Variants in KCNMA1 observed in about 807,000 individuals in gnomAD.
KCNMA1 encodes potassium calcium-activated channel subfamily M alpha 1.
KCNMA1 carries 29 observed loss-of-function variants against 140.0 expected under a neutral mutation model. That is an observed-to-expected ratio of 0.21 (90% CI 0.15 to 0.28). KCNMA1 has a LOEUF of 0.28. Among genes scored for constraint, KCNMA1 ranks in the 10% least tolerant of loss-of-function variants. The pLI, the probability that KCNMA1 is intolerant of heterozygous loss-of-function variation, is 1.00. For missense variants in KCNMA1, 880 were observed against 1,602.2 expected (o/e 0.55, Z 7.70); for synonymous variants, 612 against 611.9 (o/e 1.00, Z 0.00).
intron 2 of KCNMA1, among the ~76,000 whole-genome samples, chr10:77,290,734 A>T (rs535823521): frequency 5.3e-5 from 8 of 152,354 alleles, no homozygotes; most frequent in African/African-American, 1.7e-4. Context: ...TACCTCTGAA[A>T]AAAACAAACA....
chr10:76,969,878 G>A lies in KCNMA1; in HGVS notation c.2360+96C>T, dbSNP rs1456426235. On this transcript the variant is annotated intron_variant, in intron 20 of 27. Coordinates refer to ENST00000286628, the MANE Select transcript of KCNMA1 (RefSeq NM_001161352.2). ...CCTCCCCCACCCCGGGCTTGCTGGG[G>A]AGGGGAGACTCTGGGCCTGGCAGGG... is the stretch of plus-strand genomic sequence containing the variant. The A allele has an allele frequency of 3.2e-6, 3 of 935,536 alleles. No homozygotes were observed. In the African/African-American group the frequency reaches 4.8e-5, roughly 15 times the overall value. 58.0% of individuals were successfully genotyped at this position (935,536 alleles called of 1,614,324 possible).
chr10:77,008,112 T>C, intron 18 of KCNMA1: 1 of 1,405,102 alleles, frequency 7.1e-7, no homozygotes, highest in Admixed American at 2.1e-5. Context: ...GTACAGAAAA[T>C]TAAAAGAGTA....
intron 1 of KCNMA1, among the ~76,000 whole-genome samples, chr10:77,434,106 A>G (rs1159411870): frequency 6.6e-6 from 1 of 152,188 alleles, no homozygotes; most frequent in Non-Finnish European, 1.5e-5. Context: ...CCTAGCTTCA[A>G]GCTTCCTTCG....
At chr10:77,630,983 A>G (rs2093119240) in intron 1 of KCNMA1, among the ~76,000 whole-genome samples, 1 of 151,806 alleles carries the variant, frequency 6.6e-6, no homozygotes, top group South Asian at 2.1e-4. Context: ...GCACACACCC[A>G]TAAGTCTTGG....
rs143901163 is a variant in KCNMA1, at chr10:77,588,276, C to A, written c.378+48989G>T. Among the ~76,000 whole-genome samples the A allele has an allele frequency of 4.7e-3, 722 of 152,156 alleles. 7 individuals are homozygous for A. Among genetic ancestry groups the A allele is most frequent in the South Asian group, 0.025 (121 of 4,816 alleles). On this transcript the variant is annotated intron_variant, in intron 1 of 27. Transcript: ENST00000286628. ...CTGAGAGCAGAAAGGCAGAAAGGGG[C>A]AAGGTAGGAAGTTAGGAGGGAGAGG... is the stretch of plus-strand genomic sequence containing the variant.
At chr10:77,288,863 A>C (rs2072050453) in intron 2 of KCNMA1, among the ~76,000 whole-genome samples, 1 of 152,222 alleles carries the variant, frequency 6.6e-6, no homozygotes, top group Admixed American at 6.5e-5. Context: ...GTTTCATAAC[A>C]TAACCTGGAG....
At chr10:77,282,677 C>T (rs2069084791) in intron 2 of KCNMA1, among the ~76,000 whole-genome samples, 1 of 152,034 alleles carries the variant, frequency 6.6e-6, no homozygotes, top group South Asian at 2.1e-4. Context: ...TCTCCCCAGC[C>T]CCCAGCCTCC....
intron 2 of KCNMA1, among the ~76,000 whole-genome samples, chr10:77,398,867 C>A (rs535629787): frequency 6.6e-6 from 1 of 152,192 alleles, no homozygotes; most frequent in East Asian, 1.9e-4. Flanking sequence ...CTACACCATA[C>A]GTTTCTTGCC....
chr10:77,281,659 T>C (rs867615566), intron 2 of KCNMA1, among the ~76,000 whole-genome samples: 6 of 152,168 alleles, frequency 3.9e-5, no homozygotes, highest in South Asian at 2.1e-4. Context: ...GACTGCCTTA[T>C]GATGGGATGC....
At chr10:76,906,564 G>A (rs2047906971) in intron 25 of KCNMA1, among the ~76,000 whole-genome samples, 1 of 152,224 alleles carries the variant, frequency 6.6e-6, no homozygotes, top group Non-Finnish European at 1.5e-5. Flanking sequence ...TTAGACACAT[G>A]ATTAAATGAC....
rs80280506 is a variant in KCNMA1, at chr10:77,518,769, G to A, written c.379-114746C>T. 2.2e-3 allele frequency among the ~76,000 whole-genome samples: 335 copies of A among 152,290 alleles called. 2 individuals carry two copies. The highest frequency in any genetic ancestry group is 7.8e-3 in the African/African-American group (322 of 41,544). On this transcript the variant is annotated intron_variant, in intron 1 of 27. Transcript: ENST00000286628. Reference sequence around the variant, plus strand: ...GGGGAGGAAATGAGTCAATTAGGAGGACATGAAGTTGGCTGCCTCCTCACT... The same window carrying A: ...GGGGAGGAAATGAGTCAATTAGGAGAACATGAAGTTGGCTGCCTCCTCACT...
intron 1 of KCNMA1, among the ~76,000 whole-genome samples, chr10:77,584,415 C>A (rs528749878): frequency 6.6e-6 from 1 of 152,162 alleles, no homozygotes; most frequent in Non-Finnish European, 1.5e-5. Context: ...AGTGCACTGG[C>A]GCAATCTCGG....
chr10:77,504,088 G>A (rs1399162830), intron 1 of KCNMA1, among the ~76,000 whole-genome samples: 5 of 152,160 alleles, frequency 3.3e-5, no homozygotes, highest in East Asian at 1.9e-4. Flanking sequence ...ATCAGCTGAC[G>A]TGTTCCCAAT....
At chr10:76,942,237 C>T (rs554106466) in intron 23 of KCNMA1, among the ~76,000 whole-genome samples, 25 of 152,220 alleles carry the variant, frequency 1.6e-4, no homozygotes, top group South Asian at 4.2e-4. Context: ...CCTCCCAAGG[C>T]GTGAGCCACC....
At chr10:77,338,435 T>A (rs1310214671) in intron 2 of KCNMA1, among the ~76,000 whole-genome samples, 3 of 152,182 alleles carry the variant, frequency 2.0e-5, no homozygotes, top group African/African-American at 7.2e-5. Context: ...TCTGCCTCCA[T>A]CTCTCTCAGC....
intron 1 of KCNMA1, among the ~76,000 whole-genome samples, chr10:77,407,776 A>G (rs1163607707): frequency 1.3e-5 from 2 of 152,196 alleles, no homozygotes; most frequent in African/African-American, 4.8e-5. Context: ...TCCCGGGCAC[A>G]CAGTGGTTAC....
chr10:76,918,955 T>G (rs1039553090), intron 23 of KCNMA1, among the ~76,000 whole-genome samples: 8 of 145,518 alleles, frequency 5.5e-5, no homozygotes, highest in African/African-American at 2.0e-4. Context: ...CACATATATA[T>G]GTGAGTGAAT....
intron 17 of KCNMA1, chr10:77,012,574 A>G (rs1441993341): frequency 1.9e-6 from 3 of 1,544,386 alleles, no homozygotes; most frequent in Admixed American, 2.0e-5. Flanking sequence ...AGAGGGAAAA[A>G]CGAAAGCCAC....
At chr10:76,909,860 T>C (rs1445916945) in intron 25 of KCNMA1, 106 bp downstream of exon 25, 2 of 1,202,762 alleles carry the variant, frequency 1.7e-6, no homozygotes, top group African/African-American at 3.0e-5. Context: ...CTAGGAGTCT[T>C]GCTCTCCACT....
Sources: allele counts gnomAD v4.1 joint callset (sites outside exome capture counted in the v4.1 genomes callset), GRCh38; gene constraint gnomAD v4.1.1; transcripts MANE v1.5; gene names NCBI Gene and HGNC (gene_info 2026-07-23, HGNC 2026-07-21).